The following ERBIN variants were observed in gnomAD, a reference collection of about 807,000 sequenced individuals.
ERBIN encodes densin-180-like protein.
In ERBIN, 60 loss-of-function variants were observed where a neutral mutation model predicts 158.4. The ratio of observed to expected loss-of-function variants is 0.38; its 90% CI spans 0.31 to 0.47. The LOEUF is 0.47. Among genes scored for constraint, ERBIN ranks in the 20% least tolerant of loss-of-function variants. The pLI, the probability that ERBIN is intolerant of heterozygous loss-of-function variation, is 0.99. For missense variants in ERBIN, 1,610 were observed against 1,648.0 expected (o/e 0.98, Z 0.40); for synonymous variants, 594 against 557.2 (o/e 1.07, Z -0.93).
At chr5:65,957,484 A>G (rs1046642085) in intron 1 of ERBIN, among the ~76,000 whole-genome samples, 16 of 152,176 alleles carry the variant, frequency 1.1e-4, no homozygotes, top group Non-Finnish European at 2.4e-4. Context: ...CCCTTAATCC[A>G]TTTAACCCTG....
At chr5:65,936,799 A>C (rs1744136455) in intron 1 of ERBIN, among the ~76,000 whole-genome samples, 1 of 152,176 alleles carries the variant, frequency 6.6e-6, no homozygotes, top group Non-Finnish European at 1.5e-5. Context: ...GAAGATGAAA[A>C]TTCTCCACAA....
chr5:66,029,865 C>T (rs867899621), intron 14 of ERBIN, among the ~76,000 whole-genome samples: 2 of 152,130 alleles, frequency 1.3e-5, no homozygotes, highest in African/African-American at 2.4e-5. Context: ...GCTGGGATTA[C>T]AGGCGTGAGC....
Position 66,053,654 on chromosome 5 carries a change from A to G in ERBIN, c.2336A>G (p.Glu779Gly). The G allele has an allele frequency of 6.2e-7, 1 of 1,613,458 alleles. No individual in the cohort carries two copies. The highest frequency in any genetic ancestry group is 8.5e-7 in the Non-Finnish European group (1 of 1,179,802). The change falls in exon 21 of 26, where the codon GAG becomes GGG. Residue 779 changes from glutamate (E) to glycine (G), a missense_variant. Physicochemically the swap from Glu to Gly is moderately conservative, Grantham distance 98. This residue lies in a region of ERBIN where 1,014 missense variants were observed against 936.1 expected (regional missense o/e 1.08). Coordinates refer to ENST00000284037, the MANE Select transcript of ERBIN (RefSeq NM_001253697.2). ...ATAACTAATGATACATTTCAACCAG[A>G]GATCATGGAAAGATCAAAAACACAG... is the stretch of plus-strand genomic sequence containing the variant. ...KLITNDTFQP[E>G]IMERSKTQDI...
intron 1 of ERBIN, among the ~76,000 whole-genome samples, chr5:65,939,437 C>T (rs184680534): frequency 1.3e-5 from 2 of 152,100 alleles, no homozygotes; most frequent in East Asian, 3.9e-4. Flanking sequence ...ACTCCATCTC[C>T]AAAACAAACA....
chr5:65,948,051 ATTGT>A (rs1263831384), intron 1 of ERBIN, among the ~76,000 whole-genome samples: 3 of 151,632 alleles, frequency 2.0e-5, no homozygotes, highest in Non-Finnish European at 4.4e-5. Context: ...TAATGTGCAC[ATTGT>A]TTATGTAAGA....
Position 66,076,975 on chromosome 5 carries a change from T to C in ERBIN, c.4131+26T>C, listed in dbSNP as rs761192892. Reference sequence around the variant, plus strand: ...GTAATTAAAATAAATCTTTTTTTTTTTCATTTTATAACACTCTAATGTTTT... The same window carrying C: ...GTAATTAAAATAAATCTTTTTTTTTCTCATTTTATAACACTCTAATGTTTT... On this transcript the variant is annotated intron_variant, in intron 25 of 25. Transcript: ENST00000284037. 3 of 1,486,070 alleles carry C rather than the reference T, an allele frequency of 2.0e-6. No homozygotes were observed. In the East Asian group the frequency reaches 6.8e-5, roughly 34 times the overall value. The allele number at this position is 1,486,070 out of a possible 1,614,324, so 92.1% of individuals were successfully genotyped here.
chr5:66,059,056 T>C (rs899088310), intron 21 of ERBIN, among the ~76,000 whole-genome samples: 23 of 152,292 alleles, frequency 1.5e-4, no homozygotes, highest in African/African-American at 4.8e-4. Flanking sequence ...TAAAGTAGTT[T>C]TTTCCAATTC....
chr5:65,953,685 C>T (rs1746773381), intron 1 of ERBIN, among the ~76,000 whole-genome samples: 1 of 152,182 alleles, frequency 6.6e-6, no homozygotes, highest in Admixed American at 6.5e-5. Context: ...TTCTACTTAA[C>T]CCACCCAAGT....
Position 66,048,723 on chromosome 5 carries a change from A to G in ERBIN, c.1845A>G (p.Pro615=), listed in dbSNP as rs144095070. 5 of 1,608,946 alleles carry G rather than the reference A, an allele frequency of 3.1e-6. No individual in the cohort carries two copies. In the African/African-American group the frequency reaches 5.3e-5, roughly 17 times the overall value. ...TGAAAATGGCGGAGATGCGACCACC[A>G]TTAATTGAAACCTCTATTAACCAGC... ...EEMKMAEMRP[P]LIETSINQPK... The change falls in exon 19 of 26, where the codon CCA becomes CCG. Residue 615 remains proline, a synonymous_variant. Transcript: ENST00000284037.
At chr5:65,953,573 C>T (rs1746760762) in intron 1 of ERBIN, among the ~76,000 whole-genome samples, 1 of 152,064 alleles carries the variant, frequency 6.6e-6, no homozygotes, top group Non-Finnish European at 1.5e-5. Context: ...AATACTCTAC[C>T]TTGGGAAAAT....
intron 17 of ERBIN, 99 bp downstream of exon 17, chr5:66,044,409 G>GACTGCACAT: frequency 3.8e-6 from 4 of 1,065,132 alleles, no homozygotes; most frequent in Non-Finnish European, 5.4e-6. Context: ...TGAATGTGCA[G>GACTGCACAT]TCATGCACCA....
At chr5:66,048,449 C>T (rs553415980) in intron 18 of ERBIN, among the ~76,000 whole-genome samples, 1 of 151,736 alleles carries the variant, frequency 6.6e-6, no homozygotes, top group South Asian at 2.1e-4. Context: ...GAGCAGTATC[C>T]TAATGTTTGA....
intron 1 of ERBIN, among the ~76,000 whole-genome samples, chr5:65,932,319 C>G (rs1743531687): frequency 7.8e-6 from 1 of 127,718 alleles, no homozygotes; most frequent in African/African-American, 3.0e-5. Flanking sequence ...AGCCTGGCGA[C>G]AGAGCAAGAC....
At chr5:66,068,989 A>G in intron 21 of ERBIN, 1 of 1,534,958 alleles carries the variant, frequency 6.5e-7, no homozygotes, top group East Asian at 2.4e-5. Context: ...AGTGTTGCAG[A>G]CAGAAGAGGT....
chr5:66,044,493 G>T (rs1758219990), intron 17 of ERBIN, among the ~76,000 whole-genome samples, 183 bp downstream of exon 17: 1 of 152,166 alleles, frequency 6.6e-6, no homozygotes, highest in African/African-American at 2.4e-5. Flanking sequence ...GGCTGGGCGT[G>T]GTGGCTCACA....
At chr5:65,927,958 G>A (rs1373143404) in intron 1 of ERBIN, among the ~76,000 whole-genome samples, 1 of 151,956 alleles carries the variant, frequency 6.6e-6, no homozygotes, top group Non-Finnish European at 1.5e-5. Flanking sequence ...CTGTACTTTT[G>A]AATATATATT....
intron 21 of ERBIN, among the ~76,000 whole-genome samples, chr5:66,060,671 G>C (rs764606775): frequency 6.6e-6 from 1 of 152,180 alleles, no homozygotes; most frequent in South Asian, 2.1e-4. Flanking sequence ...TCTCTTGTGG[G>C]CATTTAGTGC....
At chr5:66,014,899 G>A (rs1754554478) in intron 7 of ERBIN, among the ~76,000 whole-genome samples, 174 bp downstream of exon 7, 1 of 152,130 alleles carries the variant, frequency 6.6e-6, no homozygotes, top group South Asian at 2.1e-4. Context: ...TGTGTCTGTT[G>A]TTGGTGCTTA....
chr5:65,973,568 A>G (rs1473055885), intron 1 of ERBIN, among the ~76,000 whole-genome samples: 3 of 151,306 alleles, frequency 2.0e-5, no homozygotes, highest in Admixed American at 6.6e-5. Flanking sequence ...AAATCAGGTC[A>G]TGCTTTTCAA....
Sources: allele counts gnomAD v4.1 joint callset (sites outside exome capture counted in the v4.1 genomes callset), GRCh38; gene constraint gnomAD v4.1.1; regional missense constraint gnomAD v4.1.1; transcripts MANE v1.5; gene names NCBI Gene and HGNC (gene_info 2026-07-23, HGNC 2026-07-21).